The following ALDH5A1 variants were observed in gnomAD, a reference collection of about 807,000 sequenced individuals.
The protein encoded by ALDH5A1 is succinate-semialdehyde dehydrogenase, mitochondrial.
In ALDH5A1, 33 loss-of-function variants were observed where a neutral mutation model predicts 54.7. The ratio of observed to expected loss-of-function variants is 0.60; its 90% CI spans 0.46 to 0.81. ALDH5A1 has a LOEUF of 0.81. ALDH5A1 is among the 30% of genes least tolerant of loss of function. The pLI, the probability that ALDH5A1 is intolerant of heterozygous loss-of-function variation, is 0.00. For synonymous variants in ALDH5A1, 294 were observed against 292.7 expected, an observed-to-expected ratio of 1.00 and a Z score of -0.05; for missense variants, 657 against 711.0, an observed-to-expected ratio of 0.92 and a Z score of 0.86.
chr6:24,500,193 C>A (rs1232320531), intron 1 of ALDH5A1, among the ~76,000 whole-genome samples: 2 of 152,190 alleles, frequency 1.3e-5, no homozygotes, highest in African/African-American at 2.4e-5. Context: ...ATATGCATAA[C>A]ATAACATTTA....
chr6:24,532,042 A>G (rs1759946392), intron 8 of ALDH5A1, 77 bp from the exon 9 acceptor site: 2 of 1,373,524 alleles, frequency 1.5e-6, no homozygotes, highest in Non-Finnish European at 2.1e-6. Context: ...TATTTGGGAA[A>G]CAAATCAGAA....
At chr6:24,526,580 T>G (rs1026706776) in intron 7 of ALDH5A1, among the ~76,000 whole-genome samples, 4 of 151,750 alleles carry the variant, frequency 2.6e-5, no homozygotes, top group Admixed American at 2.6e-4. Flanking sequence ...GGAGATCTTA[T>G]GGAGTTTAAA....
At chr6:24,529,648 C>T (rs909157966) in intron 8 of ALDH5A1, among the ~76,000 whole-genome samples, 18 of 132,040 alleles carry the variant, frequency 1.4e-4, no homozygotes, top group Non-Finnish European at 2.5e-4. Context: ...ATCTTTAATA[C>T]GGTTTTTTTG....
At chr6:24,507,975 C>G (rs1300437308) in intron 4 of ALDH5A1, among the ~76,000 whole-genome samples, 1 of 152,080 alleles carries the variant, frequency 6.6e-6, no homozygotes, top group Non-Finnish European at 1.5e-5. Flanking sequence ...TCCACTGTGT[C>G]ATTCTTATGC....
chr6:24,525,428 G>T (rs111814839), intron 7 of ALDH5A1, among the ~76,000 whole-genome samples: 37 of 152,168 alleles, frequency 2.4e-4, no homozygotes, highest in African/African-American at 8.9e-4. Flanking sequence ...GCCGGGCACA[G>T]TGGCTCACGC....
intron 4 of ALDH5A1, among the ~76,000 whole-genome samples, chr6:24,513,609 G>C (rs1318238232): frequency 6.9e-6 from 1 of 145,714 alleles, no homozygotes; most frequent in African/African-American, 2.5e-5. Flanking sequence ...TCATCACACG[G>C]CTCCCAGGGG....
chr6:24,511,940 TTTC>T, intron 4 of ALDH5A1: 1 of 536,852 alleles, frequency 1.9e-6, no homozygotes, highest in South Asian at 3.2e-5. Flanking sequence ...GGCTTTCTGG[TTTC>T]TTCTTATTGG....
intron 1 of ALDH5A1, among the ~76,000 whole-genome samples, chr6:24,499,859 C>G (rs1764786958): frequency 6.6e-6 from 1 of 152,094 alleles, no homozygotes; most frequent in Admixed American, 6.5e-5. Flanking sequence ...CGGGGTTTCA[C>G]CGTGTTAGCC....
intron 6 of ALDH5A1, among the ~76,000 whole-genome samples, chr6:24,521,389 A>T (rs1759679818): frequency 6.6e-6 from 1 of 152,200 alleles, no homozygotes; most frequent in African/African-American, 2.4e-5. Flanking sequence ...AGGAGCTGGG[A>T]CTCTGAGCCA....
rs547924673 is a variant in ALDH5A1, at chr6:24,527,008, A to G, written c.1174-989A>G. Among the ~76,000 whole-genome samples, 30 of 123,566 alleles carry G rather than the reference A, an allele frequency of 2.4e-4. No homozygotes were observed. The East Asian group carries it at 6.7e-3, about 28-fold the overall frequency. 81.1% of individuals were successfully genotyped at this position (123,566 alleles called of 152,430 possible). ...TATATATATATATATATATATATATAGTATTGCTAAAATTTTAGAATATCA... is the reference window on the plus strand; with the variant it reads ...TATATATATATATATATATATATATGGTATTGCTAAAATTTTAGAATATCA... On this transcript the variant is annotated intron_variant, in intron 7 of 9. Transcript: ENST00000357578.
intron 1 of ALDH5A1, among the ~76,000 whole-genome samples, chr6:24,499,748 A>G (rs1486902390): frequency 6.9e-6 from 1 of 144,224 alleles, no homozygotes; most frequent in East Asian, 2.0e-4. Context: ...CTCAACTGCA[A>G]CCTCCGCCTC....
chr6:24,496,600 C>A (rs941437), intron 1 of ALDH5A1, among the ~76,000 whole-genome samples: 5 of 152,038 alleles, frequency 3.3e-5, no homozygotes, highest in Admixed American at 6.6e-5. Context: ...GAGAGCTCAG[C>A]TTTTGTCTTT....
rs779886253 is a variant in ALDH5A1, at chr6:24,495,363, G to A, written c.354+13G>A. ...GGTCTCCGCCAAGGTGAGAGAGCCC[G>A]GATGCAGGGGGCCAGAGCTGGCCGG... On this transcript the variant is annotated intron_variant, in intron 1 of 9. Coordinates refer to ENST00000357578, the MANE Select transcript of ALDH5A1 (RefSeq NM_001080.3). 6.5e-7 allele frequency: 1 copy of A among 1,531,876 alleles called. No homozygotes were observed. Among genetic ancestry groups the A allele is most frequent in the African/African-American group, 1.4e-5 (1 of 72,974 alleles). 94.9% of individuals were successfully genotyped at this position (1,531,876 alleles called of 1,614,324 possible).
intron 4 of ALDH5A1, chr6:24,511,731 TC>T (rs1450225834): frequency 2.5e-6 from 1 of 396,250 alleles, no homozygotes; most frequent in Non-Finnish European, 4.4e-6. Context: ...ATTTCTTGTA[TC>T]TTTTTTTTTT....
intron 1 of ALDH5A1, among the ~76,000 whole-genome samples, chr6:24,500,888 C>CA (rs924740864): frequency 8.1e-5 from 12 of 147,558 alleles, no homozygotes; most frequent in Admixed American, 2.0e-4. Context: ...CTTGTCTGTA[C>CA]AAAAAAAATT....
intron 1 of ALDH5A1, among the ~76,000 whole-genome samples, chr6:24,499,428 C>CA (rs1421128639): frequency 6.6e-6 from 1 of 151,888 alleles, no homozygotes; most frequent in Non-Finnish European, 1.5e-5. Flanking sequence ...TCCTCATTTT[C>CA]TTTTTTTAAG....
At position 24,534,238 on chromosome 6, in the gene ALDH5A1, C is replaced by A. The variant is rs879723683; in HGVS notation, c.*526C>A. 1.8e-5 allele frequency: 3 copies of A among 163,502 alleles called. No homozygotes were observed. The highest frequency in any genetic ancestry group is 1.7e-4 in the Admixed American group (3 of 17,856). The allele number at this position is 163,502 out of a possible 1,614,324, so 10.1% of individuals were successfully genotyped here. A position where few individuals can be genotyped will look rare whatever the true frequency, so the allele number is the denominator to read the frequency against. On this transcript the variant is annotated 3_prime_UTR_variant, in exon 10 of 10. Transcript: ENST00000357578. Reference sequence around the variant, plus strand: ...GTGTTGCGGCAGAGGTTTGAGTGAACCCTCTTTCAAAGACAATAAATAGCA... The same window carrying A: ...GTGTTGCGGCAGAGGTTTGAGTGAAACCTCTTTCAAAGACAATAAATAGCA...
At chr6:24,529,669 G>GTT (rs1759889948) in intron 8 of ALDH5A1, among the ~76,000 whole-genome samples, 3 of 74,210 alleles carry the variant, frequency 4.0e-5, no homozygotes, top group East Asian at 5.3e-4. Context: ...TTTTGGTTTG[G>GTT]GTTTTTTTTT....
At chr6:24,529,292 G>A (rs1334908786) in intron 8 of ALDH5A1, among the ~76,000 whole-genome samples, 1 of 151,460 alleles carries the variant, frequency 6.6e-6, no homozygotes, top group Non-Finnish European at 1.5e-5. Flanking sequence ...TCAGCCTCCC[G>A]AGTAGCTGGG....
Sources: gnomAD v4.1 joint callset for allele counts (sites outside exome capture counted in the v4.1 genomes callset) on GRCh38, gnomAD v4.1.1 for gene constraint, MANE v1.5 for transcripts, NCBI Gene and HGNC (gene_info 2026-07-23, HGNC 2026-07-21) for gene names.